Variants in PPM1L observed in about 807,000 individuals in gnomAD.
PPM1L encodes the protein protein phosphatase 1L.
A neutral mutation model predicts 31.4 loss-of-function variants in PPM1L; 13 were observed. That is an observed-to-expected ratio of 0.41 (90% CI 0.27 to 0.66). The LOEUF (loss-of-function observed/expected upper bound fraction) is 0.66. Ranked by LOEUF, PPM1L falls within the 30% of genes least tolerant of loss-of-function variation. The probability of loss-of-function intolerance (pLI) is 0.29; values close to 1 mark genes in which losing one functional copy is unlikely to be tolerated. For synonymous variants in PPM1L, 184 were observed against 175.4 expected (o/e 1.05, Z -0.39); for missense variants, 326 against 453.7 (o/e 0.72, Z 2.56).
intron 2 of PPM1L, among the ~76,000 whole-genome samples, chr3:161,025,162 C>T (rs892427840): frequency 5.9e-5 from 9 of 152,134 alleles, no homozygotes; most frequent in Non-Finnish European, 1.2e-4. Context: ...AATGTTTTCT[C>T]ACCAAAACTG....
chr3:160,966,721 G>C (rs182563755), intron 2 of PPM1L, among the ~76,000 whole-genome samples: 1 of 152,124 alleles, frequency 6.6e-6, no homozygotes, highest in East Asian at 1.9e-4. Context: ...GATGATACTT[G>C]GAGCAGCATC....
At chr3:161,002,544 A>G (rs1717533523) in intron 2 of PPM1L, among the ~76,000 whole-genome samples, 1 of 150,616 alleles carries the variant, frequency 6.6e-6, no homozygotes, top group Non-Finnish European at 1.5e-5. Context: ...CTGGTGTGAG[A>G]TGGTATCTCA....
intron 1 of PPM1L, among the ~76,000 whole-genome samples, chr3:160,942,119 C>G (rs1218884933): frequency 6.6e-6 from 1 of 152,198 alleles, no homozygotes; most frequent in African/African-American, 2.4e-5. Flanking sequence ...ACTACAGATG[C>G]ATGCTTCACC....
chr3:161,076,694 A>G lies in PPM1L; in HGVS notation c.*7537A>G, dbSNP rs1468719176. The G allele has an allele frequency of 6.9e-6, 1 of 145,394 alleles. No homozygotes were observed. The highest frequency in any genetic ancestry group is 6.8e-5 in the Admixed American group (1 of 14,606). The allele number at this position is 145,394 out of a possible 1,614,324, so 9.0% of individuals were successfully genotyped here. ...CTCAGCATTCTCATGGGCAGCCAGG[A>G]AAAAAAAAAAGAGAGAGAAAGACAA... On this transcript the variant is annotated 3_prime_UTR_variant, in exon 4 of 4. Transcript: ENST00000498165.
intron 1 of PPM1L, among the ~76,000 whole-genome samples, chr3:160,895,570 A>G (rs541543299): frequency 3.9e-5 from 6 of 152,236 alleles, no homozygotes; most frequent in Non-Finnish European, 7.4e-5. Flanking sequence ...CTTTTTCATG[A>G]TAGATAGAAT....
chr3:160,941,565 A>C (rs577465677), intron 1 of PPM1L, among the ~76,000 whole-genome samples: 16 of 151,620 alleles, frequency 1.1e-4, no homozygotes, highest in African/African-American at 3.9e-4. Flanking sequence ...CTTCTTCCTC[A>C]TTTTTTCTCT....
chr3:160,855,441 C>T (rs1711659819), intron 1 of PPM1L, among the ~76,000 whole-genome samples: 1 of 152,058 alleles, frequency 6.6e-6, no homozygotes, highest in Non-Finnish European at 1.5e-5. Context: ...ACCAACAGCC[C>T]ACAGAATGGG....
At chr3:161,033,979 C>T (rs1718657968) in intron 2 of PPM1L, among the ~76,000 whole-genome samples, 1 of 152,146 alleles carries the variant, frequency 6.6e-6, no homozygotes, top group African/African-American at 2.4e-5. Flanking sequence ...CTGCAAGGAA[C>T]TTAAACAAAT....
chr3:160,927,462 T>C (rs1324182044), intron 1 of PPM1L, among the ~76,000 whole-genome samples: 3 of 152,200 alleles, frequency 2.0e-5, no homozygotes, highest in Non-Finnish European at 2.9e-5. Context: ...CTTCCTTTAC[T>C]TTATAGCTGT....
chr3:160,946,340 T>C lies in PPM1L; in HGVS notation c.400-15396T>C, dbSNP rs200694895. Among the ~76,000 whole-genome samples the C allele has an allele frequency of 2.0e-5, 3 of 152,258 alleles. No individual in the cohort carries two copies. In the East Asian group the frequency reaches 5.8e-4, roughly 29 times the overall value. On this transcript the variant is annotated intron_variant, in intron 1 of 3. Coordinates refer to ENST00000498165, the MANE Select transcript of PPM1L (RefSeq NM_139245.4). ...CCTTGCAGGGTTGGTGAGAATTAAATGAAGTAATTAATATAAAATACCAAG... is the reference window on the plus strand; with the variant it reads ...CCTTGCAGGGTTGGTGAGAATTAAACGAAGTAATTAATATAAAATACCAAG...
At chr3:160,774,130 C>T (rs762160408) in intron 1 of PPM1L, among the ~76,000 whole-genome samples, 5 of 152,122 alleles carry the variant, frequency 3.3e-5, no homozygotes, top group Admixed American at 2.0e-4. Flanking sequence ...CCAAATTTAC[C>T]TCTTTTGTCC....
chr3:160,880,073 A>G (rs936383542), intron 1 of PPM1L, among the ~76,000 whole-genome samples: 1 of 152,194 alleles, frequency 6.6e-6, no homozygotes, highest in African/African-American at 2.4e-5. Flanking sequence ...TTCTGATGTC[A>G]TAAGCAGAGA....
At chr3:160,853,509 G>A (rs886296168) in intron 1 of PPM1L, among the ~76,000 whole-genome samples, 1 of 152,004 alleles carries the variant, frequency 6.6e-6, no homozygotes, top group Non-Finnish European at 1.5e-5. Flanking sequence ...AGAAAAAATA[G>A]AAAATCTGAA....
chr3:161,041,159 T>C (rs1718893389), intron 2 of PPM1L, among the ~76,000 whole-genome samples: 1 of 152,234 alleles, frequency 6.6e-6, no homozygotes, highest in Admixed American at 6.5e-5. Context: ...TCCAGGTCTT[T>C]AGACAAACTC....
At chr3:160,991,637 C>T (rs892646180) in intron 2 of PPM1L, among the ~76,000 whole-genome samples, 3 of 152,092 alleles carry the variant, frequency 2.0e-5, no homozygotes, top group Non-Finnish European at 4.4e-5. Flanking sequence ...TCCCATAAGT[C>T]ATACTTATTT....
chr3:160,955,807 C>T (rs914928545), intron 1 of PPM1L, among the ~76,000 whole-genome samples: 1 of 151,340 alleles, frequency 6.6e-6, no homozygotes, highest in Non-Finnish European at 1.5e-5. Context: ...CCCGCCACCA[C>T]GTCCGGATAA....
At chr3:161,020,854 G>T (rs1397539853) in intron 2 of PPM1L, among the ~76,000 whole-genome samples, 3 of 151,856 alleles carry the variant, frequency 2.0e-5, no homozygotes, top group Non-Finnish European at 4.4e-5. Context: ...ACATTAAATT[G>T]TTCATAGTAT....
intron 1 of PPM1L, among the ~76,000 whole-genome samples, chr3:160,815,433 T>C (rs1207681897): frequency 6.6e-6 from 1 of 152,120 alleles, no homozygotes; most frequent in Non-Finnish European, 1.5e-5. Context: ...AGTTTGGGAA[T>C]TCCTGTATGT....
At chr3:161,014,473 A>T (rs1448039898) in intron 2 of PPM1L, among the ~76,000 whole-genome samples, 2 of 129,224 alleles carry the variant, frequency 1.5e-5, no homozygotes, top group Non-Finnish European at 3.2e-5. Flanking sequence ...TCAAGTCAGG[A>T]TTTTTTTTTT....
Sources: gnomAD v4.1 joint callset for allele counts (sites outside exome capture counted in the v4.1 genomes callset) on GRCh38, gnomAD v4.1.1 for gene constraint, MANE v1.5 for transcripts, NCBI Gene and HGNC (gene_info 2026-07-23, HGNC 2026-07-21) for gene names.